KIF24: variants seen among roughly 807,000 people sequenced by gnomAD.
KIF24 encodes the protein kinesin-like protein KIF24.
Under a neutral mutation model 118.9 loss-of-function variants are expected in KIF24, and 81 were observed. The observed-to-expected ratio is 0.68, with a 90% CI of 0.57 to 0.82. The LOEUF (loss-of-function observed/expected upper bound fraction) is 0.82. Ranked by LOEUF, KIF24 falls within the 40% of genes least tolerant of loss-of-function variation. KIF24 has a pLI of 0.00. For synonymous variants in KIF24, 599 were observed against 610.0 expected (o/e 0.98, Z 0.27); for missense variants, 1,560 against 1,661.6 (o/e 0.94, Z 1.06).
At chr9:34,269,179 A>C in intron 8 of KIF24, 78 bp downstream of exon 8, 1 of 772,432 alleles carries the variant, frequency 1.3e-6, no homozygotes, top group Non-Finnish European at 2.2e-6. Flanking sequence ...ATTCCATCCC[A>C]CATTCATCCA....
chr9:34,319,589 C>T (rs1837449010), intron 1 of KIF24: 8 of 993,118 alleles, frequency 8.1e-6, no homozygotes, highest in Admixed American at 5.3e-5. Flanking sequence ...ACACCCAGAG[C>T]GGCTCCCTGC....
chr9:34,291,171 T>TA (rs1185318339), intron 4 of KIF24, among the ~76,000 whole-genome samples: 30 of 152,218 alleles, frequency 2.0e-4, no homozygotes, highest in Admixed American at 3.9e-4. Flanking sequence ...GAAGTTTAGA[T>TA]AAAGGGGAAA....
At chr9:34,272,702 A>G (rs763976415) in intron 6 of KIF24, among the ~76,000 whole-genome samples, 2 of 152,228 alleles carry the variant, frequency 1.3e-5, no homozygotes, top group Non-Finnish European at 2.9e-5. Context: ...AGCTCACTGC[A>G]GCCATGACTT....
chr9:34,264,536 C>G (rs1332540805), intron 8 of KIF24, among the ~76,000 whole-genome samples: 3 of 152,014 alleles, frequency 2.0e-5, no homozygotes, highest in Non-Finnish European at 4.4e-5. Flanking sequence ...TTCTTAGCAG[C>G]AGCCACAGAT....
chr9:34,297,579 G>A (rs995933087), intron 3 of KIF24, among the ~76,000 whole-genome samples: 7 of 152,022 alleles, frequency 4.6e-5, no homozygotes, highest in Non-Finnish European at 8.8e-5. Flanking sequence ...TGGCTAACAC[G>A]GTGAAACCCC....
chr9:34,329,841 G>C (rs2039345), upstream of KIF24, among the ~76,000 whole-genome samples: 113,810 of 152,138 alleles, frequency 0.75, 43,277 homozygotes, highest in East Asian at 0.95. Context: ...TGTCCCCGTC[G>C]GAGTGGGGAT....
intron 4 of KIF24, among the ~76,000 whole-genome samples, chr9:34,296,538 A>G (rs936336701): frequency 6.1e-5 from 9 of 147,204 alleles, no homozygotes; most frequent in African/African-American, 2.2e-4. Flanking sequence ...CTCCATCTCA[A>G]AAAAAAAAAA....
At chr9:34,259,834 A>T in intron 9 of KIF24, 129 bp from the exon 10 acceptor site, 1 of 627,994 alleles carries the variant, frequency 1.6e-6, no homozygotes. Context: ...CATTAACAAA[A>T]GAAAAAATAC....
At position 34,269,428 on chromosome 9, in the gene KIF24, A is replaced by T. The variant is rs150312912; in HGVS notation, c.1338-66T>A. The T allele has an allele frequency of 9.1e-5, 73 of 801,728 alleles. No individual in the cohort carries two copies. The East Asian group carries it at 1.9e-3, about 21-fold the overall frequency. 49.7% of individuals were successfully genotyped at this position (801,728 alleles called of 1,614,324 possible). On this transcript the variant is annotated intron_variant, in intron 7 of 12. Coordinates refer to ENST00000402558, the MANE Select transcript of KIF24 (RefSeq NM_194313.4). ...TATTTTATTTTATTTTATTTTTATT[A>T]TTATTTTTTGAGACGGAGTCTCACT...
In KIF24 at chr9:34,257,174, G is replaced by A; in HGVS notation, c.2433C>T (p.Tyr811=). 6.2e-7 allele frequency: 1 copy of A among 1,614,038 alleles called. No individual in the cohort carries two copies. Among genetic ancestry groups the A allele is most frequent in the East Asian group, 2.2e-5 (1 of 44,876 alleles). Residue 811 remains tyrosine, a synonymous_variant, in exon 11 of 13, where the codon TAC becomes TAT. Coordinates refer to ENST00000402558, the MANE Select transcript of KIF24 (RefSeq NM_194313.4). ...CTTGGGCTCCATCATGGTTTTCAGA[G>A]TAAGAGTGGAACAGAGGCGGAGTCT... ...TNETPPLFHS[Y]SENHDGAQVE...
At chr9:34,260,694 G>C (rs1282923581) in intron 9 of KIF24, among the ~76,000 whole-genome samples, 4 of 152,196 alleles carry the variant, frequency 2.6e-5, no homozygotes, top group Non-Finnish European at 5.9e-5. Flanking sequence ...GAGCTGGCTG[G>C]GGACGGTGGC....
intron 3 of KIF24, among the ~76,000 whole-genome samples, chr9:34,297,579 G>T (rs995933087): frequency 3.3e-5 from 5 of 152,022 alleles, no homozygotes; most frequent in African/African-American, 1.2e-4. Flanking sequence ...TGGCTAACAC[G>T]GTGAAACCCC....
At chr9:34,264,675 C>T (rs1043853336) in intron 8 of KIF24, among the ~76,000 whole-genome samples, 1 of 152,104 alleles carries the variant, frequency 6.6e-6, no homozygotes, top group Non-Finnish European at 1.5e-5. Context: ...CCACTGAGAA[C>T]GAACAAGTAA....
At chr9:34,296,747 C>A (rs1181083995) in intron 4 of KIF24, among the ~76,000 whole-genome samples, 1 of 151,132 alleles carries the variant, frequency 6.6e-6, no homozygotes, top group African/African-American at 2.4e-5. Flanking sequence ...TTTTTAACAC[C>A]CTTTCACTAT....
At chr9:34,285,954 A>T (rs1490674061) in intron 6 of KIF24, among the ~76,000 whole-genome samples, 2 of 150,452 alleles carry the variant, frequency 1.3e-5, no homozygotes, top group Non-Finnish European at 3.0e-5. Flanking sequence ...AAAAAAAGTA[A>T]AAAGAATTTA....
chr9:34,254,648 T>A, intron 12 of KIF24, 128 bp from the exon 13 acceptor site: 1 of 922,340 alleles, frequency 1.1e-6, no homozygotes, highest in Non-Finnish European at 1.7e-6. Flanking sequence ...GGAGAACATG[T>A]AGGATAGTTG....
chr9:34,257,429 G>A lies in KIF24; in HGVS notation c.2178C>T (p.Asn726=), dbSNP rs376482814. The A allele has an allele frequency of 4.8e-5, 77 of 1,613,938 alleles. No homozygotes were observed. The highest frequency in any genetic ancestry group is 5.9e-5 in the Non-Finnish European group (70 of 1,179,912). ...LVSRVELSFG[N]AHHRAEYSQD... is the part of the protein sequence containing the mutation. ...GACTGTACTCAGCCCTGTGGTGGGC[G>A]TTGCCAAAGGAGAGCTCAACTCGAG... Residue 726 remains asparagine (N), a synonymous_variant, in exon 11 of 13, where the codon AAC becomes AAT. Transcript: ENST00000402558.
At chr9:34,271,735 T>C in intron 7 of KIF24, 74 bp downstream of exon 7, 1 of 1,525,058 alleles carries the variant, frequency 6.6e-7, no homozygotes, top group Non-Finnish European at 9.0e-7. Context: ...GGTATCCTGT[T>C]GTTGAGAAAA....
chr9:34,315,810 C>T lies in KIF24; in HGVS notation c.-25-4439G>A, dbSNP rs570455598. 2.0e-4 allele frequency among the ~76,000 whole-genome samples: 31 copies of T among 152,298 alleles called. No homozygotes were observed. In the South Asian group the frequency reaches 6.0e-3, roughly 30 times the overall value. ...TTGGGAGGCCAAGGCCAGGGGATCA[C>T]TTGAGGTCAGGAGTTTGAGAACAGT... On this transcript the variant is annotated intron_variant, in intron 1 of 12. Coordinates refer to ENST00000402558, the MANE Select transcript of KIF24 (RefSeq NM_194313.4).
Sources: allele counts gnomAD v4.1 joint callset (sites outside exome capture counted in the v4.1 genomes callset), GRCh38; gene constraint gnomAD v4.1.1; transcripts MANE v1.5; gene names NCBI Gene and HGNC (gene_info 2026-07-23, HGNC 2026-07-21).